The following INPP4B variants were observed in gnomAD, a reference collection of about 807,000 sequenced individuals.
INPP4B encodes the protein inositol polyphosphate 4-phosphatase type II.
Under a neutral mutation model 122.5 loss-of-function variants are expected in INPP4B, and 55 were observed. The ratio of observed to expected loss-of-function variants is 0.45; its 90% CI spans 0.36 to 0.56. INPP4B has a LOEUF of 0.56. Among genes scored for constraint, INPP4B ranks in the 20% least tolerant of loss-of-function variants. The probability of loss-of-function intolerance (pLI) is 0.00; values close to 1 mark genes in which losing one functional copy is unlikely to be tolerated. For synonymous variants in INPP4B, 403 were observed against 388.7 expected, an observed-to-expected ratio of 1.04 and a Z score of -0.43; for missense variants, 1,000 against 1,097.7, an observed-to-expected ratio of 0.91 and a Z score of 1.26.
chr4:142,122,052 C>A, intron 21 of INPP4B, 76 bp downstream of exon 21: 1 of 883,524 alleles, frequency 1.1e-6, no homozygotes, highest in Admixed American at 2.5e-5. Flanking sequence ...AACCTGAATT[C>A]TCCTTGCCTC....
chr4:142,123,127 A>C (rs114791660), intron 20 of INPP4B, among the ~76,000 whole-genome samples, 165 bp downstream of exon 20: 2,517 of 152,296 alleles, frequency 0.017, 89 homozygotes, highest in African/African-American at 0.058. Context: ...AATAGGAGGC[A>C]AAAGTAAGTT....
intron 25 of INPP4B, among the ~76,000 whole-genome samples, chr4:142,031,533 T>G (rs914380169): frequency 5.3e-5 from 8 of 152,184 alleles, no homozygotes; most frequent in Admixed American, 6.5e-5. Context: ...TGGTAGAACC[T>G]AAGGACTATG....
intron 6 of INPP4B, among the ~76,000 whole-genome samples, chr4:142,404,242 C>T (rs1440100770): frequency 6.6e-6 from 1 of 152,156 alleles, no homozygotes; most frequent in Non-Finnish European, 1.5e-5. Flanking sequence ...AGAAATGACT[C>T]CCGTTCAGTC....
At chr4:142,568,097 C>G (rs1054856510) in intron 2 of INPP4B, among the ~76,000 whole-genome samples, 2 of 152,056 alleles carry the variant, frequency 1.3e-5, no homozygotes, top group Admixed American at 6.6e-5. Context: ...CATTCTTTCC[C>G]TCTGATTCTA....
intron 7 of INPP4B, among the ~76,000 whole-genome samples, chr4:142,379,074 T>C (rs66537547): frequency 0.12 from 17,837 of 152,138 alleles, 1,180 homozygotes; most frequent in East Asian, 0.18. Flanking sequence ...AAAATGCCGA[T>C]ATAACTATCA....
chr4:142,382,247 G>A (rs1009176840), intron 7 of INPP4B, among the ~76,000 whole-genome samples: 3 of 151,834 alleles, frequency 2.0e-5, no homozygotes, highest in African/African-American at 4.8e-5. Context: ...AGTGGTTTAC[G>A]CCTGTAATCC....
At chr4:142,837,588 T>C (rs1273666633) in intron 1 of INPP4B, among the ~76,000 whole-genome samples, 1 of 152,180 alleles carries the variant, frequency 6.6e-6, no homozygotes, top group African/African-American at 2.4e-5. Flanking sequence ...GTAAATTGTC[T>C]ATAAGAAGGG....
intron 11 of INPP4B, among the ~76,000 whole-genome samples, chr4:142,255,795 C>G (rs533544519): frequency 3.9e-5 from 6 of 151,966 alleles, no homozygotes; most frequent in South Asian, 4.2e-4. Flanking sequence ...GACAGATCAA[C>G]GAGACAGAAA....
intron 1 of INPP4B, among the ~76,000 whole-genome samples, chr4:142,740,317 T>A (rs1347778755): frequency 1.3e-5 from 2 of 151,994 alleles, no homozygotes; most frequent in African/African-American, 4.8e-5. Context: ...GAAACAAAAA[T>A]AAAAACTACA....
At position 142,480,327 on chromosome 4, in the gene INPP4B, G is replaced by C. The variant is rs1352161184; in HGVS notation, c.-190-17601C>G. Among the ~76,000 whole-genome samples, 5 of 152,272 alleles carry C rather than the reference G, an allele frequency of 3.3e-5. No individual in the cohort carries two copies. The East Asian group carries it at 9.7e-4, about 29-fold the overall frequency. ...ATTTTTGCCTGACAGAGGCAGGAGG[G>C]TGGGGAGGATCCTTTCAGCTTTATG... On this transcript the variant is annotated intron_variant, in intron 2 of 25. Transcript: ENST00000262992.
At chr4:142,344,993 T>C (rs1779854076) in intron 7 of INPP4B, among the ~76,000 whole-genome samples, 2 of 152,078 alleles carry the variant, frequency 1.3e-5, no homozygotes. Flanking sequence ...ATTGTTCTCT[T>C]GGTTTTCTAC....
intron 2 of INPP4B, among the ~76,000 whole-genome samples, chr4:142,567,472 T>C (rs1481502112): frequency 1.3e-5 from 2 of 152,036 alleles, no homozygotes; most frequent in Non-Finnish European, 1.5e-5. Flanking sequence ...AGCCTTCCGA[T>C]AAAGGAAGAT....
In INPP4B at chr4:142,774,004, T is replaced by C. The variant is rs1264195846; in HGVS notation, c.-253-48103A>G. ...CATCCAATATTAAAACCATGGTGGG[T>C]TTTATGTCTTAATTTTGTTGCCTTT... On this transcript the variant is annotated intron_variant, in intron 1 of 25. Transcript: ENST00000262992. Among the ~76,000 whole-genome samples, 9 of 152,056 alleles carry C rather than the reference T, an allele frequency of 5.9e-5. 1 individual carries two copies. Among genetic ancestry groups the C allele is most frequent in the African/African-American group, 2.2e-4 (9 of 41,362 alleles).
intron 2 of INPP4B, among the ~76,000 whole-genome samples, chr4:142,612,478 T>C (rs1560864878): frequency 6.6e-6 from 1 of 152,152 alleles, no homozygotes; most frequent in Non-Finnish European, 1.5e-5. Context: ...ACAACAGAAA[T>C]GTATTTCTCA....
intron 25 of INPP4B, among the ~76,000 whole-genome samples, chr4:142,034,934 T>TATCA (rs1489308350): frequency 2.6e-5 from 4 of 152,024 alleles, no homozygotes; most frequent in Non-Finnish European, 5.9e-5. Context: ...GTACCAATTC[T>TATCA]ATCACCTGGA....
At chr4:142,296,873 C>G (rs190214463) in intron 9 of INPP4B, among the ~76,000 whole-genome samples, 48 of 152,264 alleles carry the variant, frequency 3.2e-4, no homozygotes, top group East Asian at 3.1e-3. Flanking sequence ...GAAATCGTGT[C>G]CCTAAGGGCC....
intron 23 of INPP4B, among the ~76,000 whole-genome samples, chr4:142,106,524 G>A (rs1204677959): frequency 6.6e-6 from 1 of 152,126 alleles, no homozygotes; most frequent in African/African-American, 2.4e-5. Context: ...TTCCTATGAA[G>A]AGTTTAAGTT....
chr4:142,064,670 C>A (rs540276469), intron 25 of INPP4B, among the ~76,000 whole-genome samples: 26 of 151,946 alleles, frequency 1.7e-4, no homozygotes, highest in African/African-American at 5.5e-4. Flanking sequence ...TCTAATATGT[C>A]TTTTTCTCAC....
At chr4:142,258,681 G>C (rs552898476) in intron 11 of INPP4B, among the ~76,000 whole-genome samples, 2 of 152,128 alleles carry the variant, frequency 1.3e-5, no homozygotes, top group Admixed American at 6.6e-5. Flanking sequence ...TTAGAATGGC[G>C]ATCATTAAAA....
Sources: allele counts gnomAD v4.1 joint callset (sites outside exome capture counted in the v4.1 genomes callset), GRCh38; gene constraint gnomAD v4.1.1; transcripts MANE v1.5; gene names NCBI Gene and HGNC (gene_info 2026-07-23, HGNC 2026-07-21).